The following ADGRL3 variants were observed in gnomAD, a reference collection of about 807,000 sequenced individuals.
ADGRL3 encodes calcium-independent alpha-latrotoxin receptor 3.
Under a neutral mutation model 153.5 loss-of-function variants are expected in ADGRL3, and 62 were observed. The observed-to-expected ratio is 0.40, with a 90% CI of 0.33 to 0.50. The LOEUF (loss-of-function observed/expected upper bound fraction) is 0.50. Among genes scored for constraint, ADGRL3 ranks in the 20% least tolerant of loss-of-function variants. The pLI is 0.47. For missense variants in ADGRL3, 1,641 were observed against 1,859.4 expected (o/e 0.88, Z 2.16); for synonymous variants, 710 against 672.5 (o/e 1.06, Z -0.86).
intron 5 of ADGRL3, among the ~76,000 whole-genome samples, chr4:61,593,618 C>A (rs1263397196): frequency 1.3e-5 from 2 of 152,104 alleles, no homozygotes; most frequent in Non-Finnish European, 2.9e-5. Flanking sequence ...GCCATTCTCT[C>A]CTGGCCTGTA....
intron 1 of ADGRL3, among the ~76,000 whole-genome samples, chr4:61,363,986 G>A (rs968361192): frequency 2.6e-5 from 4 of 151,858 alleles, no homozygotes; most frequent in African/African-American, 7.3e-5. Context: ...TAATTGGTGG[G>A]CGTGGTCAAA....
intron 2 of ADGRL3, among the ~76,000 whole-genome samples, chr4:61,446,820 G>A (rs771155417): frequency 9.2e-5 from 14 of 152,126 alleles, no homozygotes; most frequent in Non-Finnish European, 2.1e-4. Flanking sequence ...TTTTGAACCT[G>A]TACCCATTTG....
intron 2 of ADGRL3, among the ~76,000 whole-genome samples, chr4:61,444,751 A>C (rs371517273): frequency 2.6e-5 from 4 of 152,156 alleles, no homozygotes; most frequent in Admixed American, 1.3e-4. Flanking sequence ...TCAATTTCAC[A>C]CATTAAGAAT....
chr4:61,371,372 T>A (rs1429425478), intron 1 of ADGRL3, among the ~76,000 whole-genome samples: 3 of 152,064 alleles, frequency 2.0e-5, no homozygotes, highest in Admixed American at 2.0e-4. Flanking sequence ...CTGGTACCGG[T>A]TGTTCCTTTC....
At chr4:62,009,022 C>A (rs746472084) in intron 21 of ADGRL3, among the ~76,000 whole-genome samples, 3 of 152,056 alleles carry the variant, frequency 2.0e-5, no homozygotes, top group Non-Finnish European at 4.4e-5. Flanking sequence ...TACCATATAG[C>A]CTAGATGTGT....
intron 9 of ADGRL3, among the ~76,000 whole-genome samples, chr4:61,850,711 C>T (rs575695003): frequency 6.6e-6 from 1 of 151,996 alleles, no homozygotes; most frequent in Non-Finnish European, 1.5e-5. Context: ...GGCTATTACT[C>T]CTTAATAATA....
At chr4:61,835,991 G>A (rs2097928999) in intron 9 of ADGRL3, among the ~76,000 whole-genome samples, 1 of 152,046 alleles carries the variant, frequency 6.6e-6, no homozygotes, top group Non-Finnish European at 1.5e-5. Flanking sequence ...CCTCCAGATG[G>A]CAGAAACCAA....
chr4:61,491,512 C>T (rs1173087815), intron 2 of ADGRL3, among the ~76,000 whole-genome samples: 1 of 152,076 alleles, frequency 6.6e-6, no homozygotes, highest in Non-Finnish European at 1.5e-5. Context: ...CAGATATTTT[C>T]TTTACTTGTT....
chr4:61,362,216 T>G (rs2096294712), intron 1 of ADGRL3, among the ~76,000 whole-genome samples: 1 of 151,352 alleles, frequency 6.6e-6, no homozygotes, highest in Non-Finnish European at 1.5e-5. Flanking sequence ...TTGACCAGGC[T>G]GATCTCAAGC....
intron 9 of ADGRL3, among the ~76,000 whole-genome samples, chr4:61,890,253 A>G (rs539132797): frequency 3.3e-5 from 5 of 152,202 alleles, no homozygotes; most frequent in African/African-American, 4.8e-5. Flanking sequence ...GTCCCTTCAG[A>G]AGTACAAATG....
intron 5 of ADGRL3, among the ~76,000 whole-genome samples, chr4:61,591,999 C>T (rs1159755495): frequency 6.6e-6 from 1 of 150,592 alleles, no homozygotes; most frequent in Non-Finnish European, 1.5e-5. Flanking sequence ...ATGCCTTGAG[C>T]CCAGAAGGTT....
At chr4:61,590,609 T>TC (rs1300254059) in intron 5 of ADGRL3, among the ~76,000 whole-genome samples, 2 of 152,114 alleles carry the variant, frequency 1.3e-5, no homozygotes, top group Non-Finnish European at 2.9e-5. Context: ...TCGTGTTTTC[T>TC]CCCCATAAAA....
chr4:61,432,570 CTTCCTTTCTT>C (rs1377083057), intron 2 of ADGRL3, among the ~76,000 whole-genome samples: 824 of 71,524 alleles, frequency 0.012, 244 homozygotes, highest in East Asian at 0.017. Flanking sequence ...TTTTCTTTCT[CTTCCTTTCTT>C]TCTTTCTTTC....
At chr4:61,333,790 A>AT (rs1188119158) in intron 1 of ADGRL3, among the ~76,000 whole-genome samples, 21 of 151,890 alleles carry the variant, frequency 1.4e-4, no homozygotes, top group Admixed American at 1.2e-3. Context: ...TAATGTATTT[A>AT]TTTTTTGTAA....
At chr4:61,757,046 G>A (rs59095146) in intron 8 of ADGRL3, among the ~76,000 whole-genome samples, 16,974 of 151,924 alleles carry the variant, frequency 0.11, 1,898 homozygotes, top group African/African-American at 0.29. Context: ...GGATTTTTGC[G>A]TCGATGTTCA....
intron 23 of ADGRL3, among the ~76,000 whole-genome samples, chr4:62,033,045 C>T (rs1377733049): frequency 2.0e-5 from 3 of 151,640 alleles, no homozygotes; most frequent in Admixed American, 2.0e-4. Flanking sequence ...GTACACCCCC[C>T]AAATTACAGA....
At chr4:61,869,283 AT>A (rs2098421204) in intron 9 of ADGRL3, among the ~76,000 whole-genome samples, 1 of 151,900 alleles carries the variant, frequency 6.6e-6, no homozygotes, top group Non-Finnish European at 1.5e-5. Flanking sequence ...CCAAGTTCCT[AT>A]TATGTAGCAA....
intron 9 of ADGRL3, among the ~76,000 whole-genome samples, chr4:61,832,191 T>G (rs2097879475): frequency 6.6e-6 from 1 of 152,158 alleles, no homozygotes; most frequent in Non-Finnish European, 1.5e-5. Flanking sequence ...CCAAGCAGTT[T>G]AGGCTTTAAT....
chr4:61,757,811 G>A (rs975275573), intron 8 of ADGRL3, among the ~76,000 whole-genome samples: 2 of 152,088 alleles, frequency 1.3e-5, no homozygotes, highest in Non-Finnish European at 2.9e-5. Context: ...AGAGATTCTG[G>A]TATGTTGTGT....
Sources: gnomAD v4.1 joint callset for allele counts (sites outside exome capture counted in the v4.1 genomes callset) on GRCh38, gnomAD v4.1.1 for gene constraint, MANE v1.5 for transcripts, NCBI Gene and HGNC (gene_info 2026-07-23, HGNC 2026-07-21) for gene names.